SLCO5A1: variants seen among roughly 807,000 people sequenced by gnomAD.
The protein encoded by SLCO5A1 is organic anion transporter polypeptide-related protein 4.
In SLCO5A1, 39 loss-of-function variants were observed where a neutral mutation model predicts 65.1. The ratio of observed to expected loss-of-function variants is 0.60; its 90% CI spans 0.46 to 0.78. The LOEUF is 0.78. SLCO5A1 is among the 30% of genes least tolerant of loss of function. SLCO5A1 has a pLI of 0.00. For synonymous variants in SLCO5A1, 438 were observed against 415.7 expected, an observed-to-expected ratio of 1.05 and a Z score of -0.65; for missense variants, 1,029 against 1,069.4, an observed-to-expected ratio of 0.96 and a Z score of 0.53.
At chr8:69,816,207 C>T (rs79932776) in intron 2 of SLCO5A1, among the ~76,000 whole-genome samples, 9,575 of 152,128 alleles carry the variant, frequency 0.063, 452 homozygotes, top group East Asian at 0.25. Flanking sequence ...TTCTGGACAT[C>T]GTAGGATGTT....
At chr8:69,704,594 C>T (rs1253245992) in intron 6 of SLCO5A1, among the ~76,000 whole-genome samples, 1 of 152,128 alleles carries the variant, frequency 6.6e-6, no homozygotes, top group Non-Finnish European at 1.5e-5. Flanking sequence ...AAAGGGGTTA[C>T]CTGTTTCATC....
At chr8:69,750,546 A>T (rs1817245819) in intron 4 of SLCO5A1, among the ~76,000 whole-genome samples, 1 of 152,110 alleles carries the variant, frequency 6.6e-6, no homozygotes, top group African/African-American at 2.4e-5. Flanking sequence ...TGTCCAACAG[A>T]CCAACCACAA....
At chr8:69,729,565 A>G (rs1261937958) in intron 5 of SLCO5A1, among the ~76,000 whole-genome samples, 4 of 152,080 alleles carry the variant, frequency 2.6e-5, no homozygotes, top group Non-Finnish European at 5.9e-5. Flanking sequence ...ATTTGCTAGA[A>G]TATAAATTTT....
intron 5 of SLCO5A1, among the ~76,000 whole-genome samples, chr8:69,709,834 G>A (rs1057103209): frequency 6.6e-6 from 1 of 151,980 alleles, no homozygotes; most frequent in Non-Finnish European, 1.5e-5. Context: ...GGGTAATATG[G>A]GTCCAGACAA....
chr8:69,762,522 A>G (rs1449491862), intron 2 of SLCO5A1, among the ~76,000 whole-genome samples: 1 of 151,956 alleles, frequency 6.6e-6, no homozygotes, highest in East Asian at 1.9e-4. Context: ...CCCACTCCAG[A>G]ACCACTAAAT....
At chr8:69,754,435 T>C (rs1817459028) in intron 4 of SLCO5A1, among the ~76,000 whole-genome samples, 2 of 152,228 alleles carry the variant, frequency 1.3e-5, no homozygotes, top group African/African-American at 2.4e-5. Flanking sequence ...TATTCCAGGC[T>C]GGAAATGTTC....
chr8:69,823,608 G>C (rs957518954), intron 2 of SLCO5A1, among the ~76,000 whole-genome samples: 1 of 152,134 alleles, frequency 6.6e-6, no homozygotes, highest in African/African-American at 2.4e-5. Context: ...CAATACAGGA[G>C]CACCCAGATT....
At chr8:69,678,938 A>G (rs1813653896) in intron 8 of SLCO5A1, among the ~76,000 whole-genome samples, 1 of 152,214 alleles carries the variant, frequency 6.6e-6, no homozygotes, top group Admixed American at 6.5e-5. Flanking sequence ...CTGATCCTGA[A>G]GGCAGTAACT....
In SLCO5A1 at chr8:69,809,077, C is replaced by T. The variant is rs573605641; in HGVS notation, c.907+22690G>A. Among the ~76,000 whole-genome samples, 34 of 152,160 alleles carry T rather than the reference C, an allele frequency of 2.2e-4. 2 individuals carry two copies. In the Middle Eastern group the frequency reaches 0.017, roughly 76 times the overall value. Reference sequence around the variant, plus strand: ...TGAGATAGCACCATTGCACTCCAGCCTGGACAAGAGAGCAACTCTGTCTCA... The same window carrying T: ...TGAGATAGCACCATTGCACTCCAGCTTGGACAAGAGAGCAACTCTGTCTCA... On this transcript the variant is annotated intron_variant, in intron 2 of 9. Transcript: ENST00000260126.
Position 69,672,824 on chromosome 8 carries a change from A to G in SLCO5A1, c.*45T>C, listed in dbSNP as rs746772193. 1 of 1,559,038 alleles carries G rather than the reference A, an allele frequency of 6.4e-7. No homozygotes were observed. The highest frequency in any genetic ancestry group is 8.7e-7 in the Non-Finnish European group (1 of 1,154,908). On this transcript the variant is annotated 3_prime_UTR_variant, in exon 10 of 10. Transcript: ENST00000260126. The stretch of plus-strand genomic sequence containing the variant: ...AGGCACAGTTGTTTCTCAAGTCGCC[A>G]TTTTCAATTCAACCAACAAAACTAA...
At chr8:69,742,948 T>C (rs1451283240) in intron 4 of SLCO5A1, among the ~76,000 whole-genome samples, 1 of 151,858 alleles carries the variant, frequency 6.6e-6, no homozygotes, top group African/African-American at 2.4e-5. Flanking sequence ...TTACAGACAC[T>C]TGCCACCATG....
intron 2 of SLCO5A1, 77 bp from the exon 3 acceptor site, chr8:69,761,952 T>C: frequency 2.6e-6 from 4 of 1,537,840 alleles, no homozygotes; most frequent in Non-Finnish European, 3.5e-6. Context: ...TTCACTCTCA[T>C]ACCACAGACA....
chr8:69,729,446 C>CAAAAAAAAAAAAAAAAA (rs56392223), intron 5 of SLCO5A1, among the ~76,000 whole-genome samples: 1 of 80,486 alleles, frequency 1.2e-5, no homozygotes. Flanking sequence ...TCCGTCCCAA[C>CAAAAAAAAAAAAAAAAA]AAAAAAAAAA....
At chr8:69,732,700 C>A (rs770669603) in intron 5 of SLCO5A1, among the ~76,000 whole-genome samples, 2 of 151,944 alleles carry the variant, frequency 1.3e-5, no homozygotes, top group Non-Finnish European at 2.9e-5. Context: ...ACCAGCCTGG[C>A]CAACATGGTG....
intron 5 of SLCO5A1, among the ~76,000 whole-genome samples, chr8:69,735,832 A>T (rs144513684): frequency 7.9e-5 from 12 of 152,340 alleles, no homozygotes; most frequent in South Asian, 2.1e-4. Context: ...AAAATTTTTT[A>T]AAAAAGAAAA....
chr8:69,807,870 A>AT (rs763876614), intron 2 of SLCO5A1, among the ~76,000 whole-genome samples: 2 of 151,936 alleles, frequency 1.3e-5, no homozygotes, highest in East Asian at 1.9e-4. Context: ...CGCCCAGGTA[A>AT]TTTTTTGTAT....
chr8:69,690,037 G>C (rs11778715), intron 6 of SLCO5A1, among the ~76,000 whole-genome samples: 1 of 144,086 alleles, frequency 6.9e-6, no homozygotes, highest in African/African-American at 2.5e-5. Flanking sequence ...ACCCCGCCCC[G>C]CCCCTTTGCG....
intron 3 of SLCO5A1, 69 bp from the exon 4 acceptor site, chr8:69,755,710 C>G (rs1464476973): frequency 7.1e-7 from 1 of 1,414,896 alleles, no homozygotes; most frequent in Non-Finnish European, 9.6e-7. Context: ...ATTAGTAAAG[C>G]AGAAGTTTGT....
chr8:69,778,228 GGTGTGTGTGT>G (rs71556783), intron 2 of SLCO5A1, among the ~76,000 whole-genome samples: 2 of 143,036 alleles, frequency 1.4e-5, no homozygotes, highest in Admixed American at 7.0e-5. Flanking sequence ...ATATGTATGG[GGTGTGTGTGT>G]GTGTGTGTGT....
Sources: gnomAD v4.1 joint callset for allele counts (sites outside exome capture counted in the v4.1 genomes callset) on GRCh38, gnomAD v4.1.1 for gene constraint, MANE v1.5 for transcripts, NCBI Gene and HGNC (gene_info 2026-07-23, HGNC 2026-07-21) for gene names.